CCM2: variants seen among roughly 807,000 people sequenced by gnomAD.
CCM2 encodes CCM2 scaffold protein.
Under a neutral mutation model 44.9 loss-of-function variants are expected in CCM2, and 25 were observed. That is an observed-to-expected ratio of 0.56 (90% CI 0.41 to 0.78). The LOEUF is 0.78. CCM2 is among the 30% of genes least tolerant of loss of function. CCM2 has a pLI of 0.00. For synonymous variants in CCM2, 219 were observed against 241.1 expected, an observed-to-expected ratio of 0.91 and a Z score of 0.85; for missense variants, 481 against 580.6, an observed-to-expected ratio of 0.83 and a Z score of 1.76.
intron 6 of CCM2, chr7:45,071,974 C>A: frequency 2.4e-6 from 1 of 412,148 alleles, no homozygotes; most frequent in South Asian, 1.8e-5. Flanking sequence ...TTATTCTGCC[C>A]TCCATACTTA....
At chr7:45,048,370 T>C (rs1797854484) in intron 2 of CCM2, among the ~76,000 whole-genome samples, 1 of 152,248 alleles carries the variant, frequency 6.6e-6, no homozygotes, top group Non-Finnish European at 1.5e-5. Flanking sequence ...GTATTTTGTT[T>C]TTAGAATGAA....
At chr7:45,047,839 G>A (rs996768562) in intron 2 of CCM2, among the ~76,000 whole-genome samples, 3 of 152,100 alleles carry the variant, frequency 2.0e-5, no homozygotes, top group African/African-American at 7.2e-5. Flanking sequence ...GGGCAATAGG[G>A]TAAAGGGAGC....
At chr7:45,065,787 C>T (rs953937717) in intron 4 of CCM2, among the ~76,000 whole-genome samples, 2 of 151,104 alleles carry the variant, frequency 1.3e-5, no homozygotes, top group African/African-American at 4.9e-5. Flanking sequence ...GCACACACCA[C>T]ACCTACACAC....
intron 2 of CCM2, among the ~76,000 whole-genome samples, chr7:45,041,772 C>A (rs1797512953): frequency 6.6e-6 from 1 of 152,122 alleles, no homozygotes; most frequent in Non-Finnish European, 1.5e-5. Context: ...AGTAACAAAC[C>A]CCTAAGGAAC....
chr7:45,027,594 G>A, intron 1 of CCM2: 1 of 1,603,418 alleles, frequency 6.2e-7, no homozygotes, highest in Non-Finnish European at 8.5e-7. Flanking sequence ...AGCTTCAGTG[G>A]CTTTGCAGAA....
At position 45,076,392 on chromosome 7, in the gene CCM2, A is replaced by G; in HGVS notation, c.*335A>G. ...TGGACGGCTGTCAGTTTTGCACATG[A>G]TGTTCCTATTGTAACTCTCAGAGAC... On this transcript the variant is annotated 3_prime_UTR_variant, in exon 10 of 10. Coordinates refer to ENST00000258781, the MANE Select transcript of CCM2 (RefSeq NM_031443.4). 1 of 482,058 alleles carries G rather than the reference A, an allele frequency of 2.1e-6. No homozygotes were observed. Among genetic ancestry groups the G allele is most frequent in the Non-Finnish European group, 3.9e-6 (1 of 256,354 alleles). The allele number at this position is 482,058 out of a possible 1,614,324, so 29.9% of individuals were successfully genotyped here.
intron 1 of CCM2, among the ~76,000 whole-genome samples, chr7:45,009,300 CA>C (rs774413571): frequency 0.027 from 553 of 20,164 alleles, 8 homozygotes; most frequent in African/African-American, 0.1. Flanking sequence ...GCCTCTGTCT[CA>C]AAAAAAAAAA....
chr7:45,047,877 AATAAG>A (rs1797834144), intron 2 of CCM2, among the ~76,000 whole-genome samples: 1 of 152,210 alleles, frequency 6.6e-6, no homozygotes, highest in Non-Finnish European at 1.5e-5. Context: ...CATTTCTTAT[AATAAG>A]AGAATTTACA....
intron 1 of CCM2, among the ~76,000 whole-genome samples, chr7:45,015,784 G>C (rs1796241379): frequency 6.6e-6 from 1 of 152,190 alleles, no homozygotes; most frequent in African/African-American, 2.4e-5. Context: ...AAGCCAGTTA[G>C]AGAGCTCATC....
At chr7:45,055,105 G>A (rs1034185559) in intron 2 of CCM2, among the ~76,000 whole-genome samples, 39 of 152,282 alleles carry the variant, frequency 2.6e-4, no homozygotes, top group African/African-American at 8.7e-4. Flanking sequence ...AAGCATCATG[G>A]CCAGATTTTG....
chr7:45,074,785 T>G (rs1799262386), intron 9 of CCM2, among the ~76,000 whole-genome samples: 1 of 152,114 alleles, frequency 6.6e-6, no homozygotes, highest in African/African-American at 2.4e-5. Context: ...TTGGTGAATG[T>G]GTAGGACTTC....
chr7:45,004,285 ATAGGCATGTATT>A (rs1795758930), intron 1 of CCM2, among the ~76,000 whole-genome samples: 1 of 152,232 alleles, frequency 6.6e-6, no homozygotes, highest in Admixed American at 6.5e-5. Flanking sequence ...TTCTGATCTG[ATAGGCATGTATT>A]CTGAGATATT....
At chr7:45,061,631 A>G (rs1562904573) in intron 2 of CCM2, among the ~76,000 whole-genome samples, 1 of 151,648 alleles carries the variant, frequency 6.6e-6, no homozygotes, top group Non-Finnish European at 1.5e-5. Flanking sequence ...GTGCCCAACT[A>G]TTTTGTTGTT....
chr7:45,004,639 A>G (rs1795772747), intron 1 of CCM2, among the ~76,000 whole-genome samples: 1 of 152,228 alleles, frequency 6.6e-6, no homozygotes, highest in African/African-American at 2.4e-5. Context: ...GTGTCTGTAT[A>G]ACCGAAGTGA....
intron 1 of CCM2, among the ~76,000 whole-genome samples, chr7:45,025,785 C>T (rs1796664372): frequency 6.6e-6 from 1 of 152,246 alleles, no homozygotes; most frequent in South Asian, 2.1e-4. Context: ...CTGCCCACCT[C>T]AGCCTTCCAA....
chr7:45,014,522 A>G (rs531480783), intron 1 of CCM2, among the ~76,000 whole-genome samples: 1 of 151,846 alleles, frequency 6.6e-6, no homozygotes, highest in African/African-American at 2.4e-5. Flanking sequence ...CATGTTGCCC[A>G]CGCTAGTCTT....
chr7:45,037,212 G>A (rs1797266092), intron 1 of CCM2, among the ~76,000 whole-genome samples: 1 of 150,872 alleles, frequency 6.6e-6, no homozygotes, highest in Non-Finnish European at 1.5e-5. Flanking sequence ...TTCTTACGGA[G>A]TTATTGTGAA....
chr7:45,002,225 T>A (rs1246377111), intron 1 of CCM2, among the ~76,000 whole-genome samples: 4 of 152,210 alleles, frequency 2.6e-5, no homozygotes, highest in Non-Finnish European at 5.9e-5. Context: ...CTGACAATAG[T>A]TTTATGAAGG....
intron 9 of CCM2, 123 bp from the exon 10 acceptor site, chr7:45,075,654 G>C (rs940372324): frequency 5.3e-5 from 63 of 1,183,072 alleles, no homozygotes; most frequent in Non-Finnish European, 7.0e-5. Context: ...CATGGCATCA[G>C]GGTCCCCAAG....
Sources: gnomAD v4.1 joint callset for allele counts (sites outside exome capture counted in the v4.1 genomes callset) on GRCh38, gnomAD v4.1.1 for gene constraint, MANE v1.5 for transcripts, NCBI Gene and HGNC (gene_info 2026-07-23, HGNC 2026-07-21) for gene names.